The following DNAH3 variants were observed in gnomAD, a reference collection of about 807,000 sequenced individuals.
The protein encoded by DNAH3 is axonemal beta dynein heavy chain 3.
A neutral mutation model predicts 432.5 loss-of-function variants in DNAH3; 332 were observed. That is an observed-to-expected ratio of 0.77 (90% CI 0.70 to 0.84). DNAH3 has a LOEUF of 0.84. Among genes scored for constraint, DNAH3 ranks in the 40% least tolerant of loss-of-function variants. The pLI is 0.00. For missense variants in DNAH3, 4,861 were observed against 5,114.0 expected (o/e 0.95, Z 1.51); for synonymous variants, 1,956 against 1,900.2 (o/e 1.03, Z -0.76).
chr16:20,980,189 AATTTT>A (rs1160747233), intron 49 of DNAH3, among the ~76,000 whole-genome samples: 1 of 139,484 alleles, frequency 7.2e-6, no homozygotes, highest in Non-Finnish European at 1.5e-5. Context: ...ATATATATAT[AATTTT>A]ATTATATATT....
At chr16:20,973,567 G>A (rs1197976729) in intron 51 of DNAH3, among the ~76,000 whole-genome samples, 1 of 152,140 alleles carries the variant, frequency 6.6e-6, no homozygotes, top group South Asian at 2.1e-4. Context: ...CTGTCATTCT[G>A]AAGTCTCAAA....
intron 4 of DNAH3, 94 bp downstream of exon 5, chr16:21,141,206 T>G: frequency 1.1e-6 from 1 of 892,608 alleles, no homozygotes; most frequent in Non-Finnish European, 1.7e-6. Flanking sequence ...GGGAATGCTT[T>G]GAAGCCAAGA....
intron 21 of DNAH3, among the ~76,000 whole-genome samples, chr16:21,073,356 C>T (rs182595911): frequency 1.5e-4 from 23 of 152,274 alleles, no homozygotes; most frequent in African/African-American, 2.2e-4. Flanking sequence ...CTAGCTTATA[C>T]TCCTCTTGTC....
intron 18 of DNAH3, among the ~76,000 whole-genome samples, chr16:21,087,262 G>C (rs2091408564): frequency 6.6e-6 from 1 of 152,226 alleles, no homozygotes; most frequent in Admixed American, 6.5e-5. Context: ...AGTAACTCCT[G>C]TGACACAGGG....
At chr16:21,054,383 G>T in intron 28 of DNAH3, 37 bp downstream of exon 28, 1 of 1,467,776 alleles carries the variant, frequency 6.8e-7, no homozygotes, top group Non-Finnish European at 9.5e-7. Flanking sequence ...GCTTCTCCTG[G>T]ATAGTCAGTA....
chr16:21,026,982 G>A (rs752256253), intron 38 of DNAH3, 45 bp downstream of exon 38: 13 of 1,387,772 alleles, frequency 9.4e-6, no homozygotes, highest in Admixed American at 3.4e-5. Context: ...CTTAGGGTGA[G>A]TGGAGCCACA....
At chr16:20,996,591 C>G (rs1484992714) in intron 44 of DNAH3, among the ~76,000 whole-genome samples, 5 of 152,136 alleles carry the variant, frequency 3.3e-5, no homozygotes, top group Non-Finnish European at 7.4e-5. Flanking sequence ...TCCCAAGTAG[C>G]TGGACTACAG....
At chr16:20,941,475 G>C in exon 59 of DNAH3, 1 of 1,614,148 alleles carries the variant, frequency 6.2e-7, no homozygotes, top group Non-Finnish European at 8.5e-7. Flanking sequence ...ACAACTTCAT[G>C]ACCTCTTCCA....
intron 16 of DNAH3, 76 bp from the exon 17 acceptor site, chr16:21,098,845 A>G: frequency 1.4e-6 from 2 of 1,471,128 alleles, no homozygotes; most frequent in Non-Finnish European, 1.8e-6. Flanking sequence ...CTGCTTGCCC[A>G]TATTTAAGCC....
At chr16:20,981,976 CAT>C (rs961927076) in intron 49 of DNAH3, among the ~76,000 whole-genome samples, 2 of 144,442 alleles carry the variant, frequency 1.4e-5, no homozygotes, top group African/African-American at 2.6e-5. Context: ...TATAATAAAG[CAT>C]ATATATAAAG....
chr16:21,115,118 C>T (rs1023627990), intron 12 of DNAH3, among the ~76,000 whole-genome samples: 4 of 152,112 alleles, frequency 2.6e-5, no homozygotes, highest in African/African-American at 4.8e-5. Context: ...TGGAAACCAT[C>T]ATTCTCAGCA....
At chr16:21,000,088 G>A (rs144361734) in intron 43 of DNAH3, 136 bp downstream of exon 43, 13 of 857,624 alleles carry the variant, frequency 1.5e-5, no homozygotes, top group Non-Finnish European at 2.3e-5. Context: ...TGAATACTAA[G>A]CTATATTAAC....
At chr16:21,011,771 A>C (rs2087613747) in intron 41 of DNAH3, among the ~76,000 whole-genome samples, 1 of 152,218 alleles carries the variant, frequency 6.6e-6, no homozygotes, top group African/African-American at 2.4e-5. Flanking sequence ...AAAGCAAAAA[A>C]GGAAAAACAA....
chr16:21,042,205 T>G lies in DNAH3; in HGVS notation c.4462-2A>C, dbSNP rs1484642889. On this transcript the variant is annotated splice_acceptor_variant, in intron 31 of 61. Transcript: ENST00000261383. LOFTEE classifies it high-confidence loss of function. Reference sequence around the variant, plus strand: ...AGCGACCACAGACAGCACTTCTACCTGGGGTGAGAATGCCCGGCTGATAAG... The same window carrying G: ...AGCGACCACAGACAGCACTTCTACCGGGGGTGAGAATGCCCGGCTGATAAG... The G allele has an allele frequency of 6.3e-7, 1 of 1,591,236 alleles. No homozygotes were observed. Among genetic ancestry groups the G allele is most frequent in the Non-Finnish European group, 8.6e-7 (1 of 1,169,336 alleles).
At chr16:21,014,819 AC>A (rs1246758550) in intron 41 of DNAH3, among the ~76,000 whole-genome samples, 1 of 152,158 alleles carries the variant, frequency 6.6e-6, no homozygotes, top group East Asian at 1.9e-4. Flanking sequence ...TGAAATGAAA[AC>A]ACAATACCAT....
chr16:21,150,316 C>A (rs1292205894), intron 1 of DNAH3: 1 of 455,790 alleles, frequency 2.2e-6, no homozygotes, highest in African/African-American at 2.0e-5. Context: ...TCCATGTCAC[C>A]CATGGTGTCC....
chr16:21,099,685 C>G (rs2152794398), intron 16 of DNAH3, among the ~76,000 whole-genome samples: 1 of 152,154 alleles, frequency 6.6e-6, no homozygotes, highest in East Asian at 1.9e-4. Context: ...AAAATGCCAG[C>G]TTAATAGTTA....
At chr16:20,974,681 A>G (rs977505115) in intron 51 of DNAH3, among the ~76,000 whole-genome samples, 8 of 133,880 alleles carry the variant, frequency 6.0e-5, no homozygotes, top group Admixed American at 9.1e-5. Flanking sequence ...TTTGTCTCCC[A>G]AAAATCTGGG....
chr16:21,038,041 A>T, intron 33 of DNAH3, 61 bp from the exon 34 acceptor site: 1 of 1,463,836 alleles, frequency 6.8e-7, no homozygotes, highest in South Asian at 1.2e-5. Context: ...CCCAGCAGAC[A>T]TTCCCAATAT....
Sources: gnomAD v4.1 joint callset for allele counts (sites outside exome capture counted in the v4.1 genomes callset) on GRCh38, gnomAD v4.1.1 for gene constraint, MANE v1.5 for transcripts, NCBI Gene and HGNC (gene_info 2026-07-23, HGNC 2026-07-21) for gene names.